The following ILRUN variants were observed in gnomAD, a reference collection of about 807,000 sequenced individuals.
ILRUN encodes inflammation and lipid regulator with UBA-like and NBR1-like domains, also known as protein ILRUN.
In ILRUN, 3 loss-of-function variants were observed where a neutral mutation model predicts 33.8. The ratio of observed to expected loss-of-function variants is 0.09; its 90% CI spans 0.04 to 0.23. ILRUN has a LOEUF of 0.23. Ranked by LOEUF, ILRUN falls within the 10% of genes least tolerant of loss-of-function variation. The pLI is 1.00. For synonymous variants in ILRUN, 124 were observed against 138.9 expected (o/e 0.89, Z 0.75); for missense variants, 210 against 375.1 (o/e 0.56, Z 3.64).
rs147250615 is a variant in ILRUN, at chr6:34,669,956, G to A, written c.159-15177C>T. 4.5e-3 allele frequency among the ~76,000 whole-genome samples: 688 copies of A among 151,726 alleles called. 9 individuals carry two copies. Among genetic ancestry groups the A allele is most frequent in the African/African-American group, 0.016 (651 of 41,280 alleles). On this transcript the variant is annotated intron_variant, in intron 1 of 4. Coordinates refer to ENST00000374023, the MANE Select transcript of ILRUN (RefSeq NM_024294.4). ...GACAGAGTTTCGCTCTTGTTGCCCAGGCTGGAATGTAATGGCGCAATCTCG... is the reference window on the plus strand; with the variant it reads ...GACAGAGTTTCGCTCTTGTTGCCCAAGCTGGAATGTAATGGCGCAATCTCG...
intron 3 of ILRUN, among the ~76,000 whole-genome samples, chr6:34,610,245 T>C (rs954415756): frequency 1.1e-4 from 17 of 152,198 alleles, no homozygotes; most frequent in African/African-American, 4.1e-4. Flanking sequence ...GTTAAACCTC[T>C]TGACTTAACA....
chr6:34,643,242 T>C (rs972768512), intron 3 of ILRUN, among the ~76,000 whole-genome samples: 3 of 149,932 alleles, frequency 2.0e-5, no homozygotes, highest in African/African-American at 4.9e-5. Context: ...GAGGTTGCAG[T>C]GAGCCAAGAT....
chr6:34,594,410 G>A (rs778869256), intron 4 of ILRUN, among the ~76,000 whole-genome samples: 3 of 152,148 alleles, frequency 2.0e-5, no homozygotes, highest in Non-Finnish European at 4.4e-5. Context: ...CCATGCTAAC[G>A]GAGGGTATAA....
chr6:34,611,098 A>T (rs1401591682), intron 3 of ILRUN, among the ~76,000 whole-genome samples: 10 of 79,640 alleles, frequency 1.3e-4, no homozygotes, highest in East Asian at 3.3e-4. Flanking sequence ...TTTCTTTCTG[A>T]TGTCTTTTTT....
chr6:34,682,852 C>T (rs1325497724), intron 1 of ILRUN, among the ~76,000 whole-genome samples: 2 of 151,964 alleles, frequency 1.3e-5, no homozygotes, highest in African/African-American at 4.8e-5. Context: ...ATGTGAGACA[C>T]GTGCCCTCCC....
intron 3 of ILRUN, among the ~76,000 whole-genome samples, chr6:34,625,569 A>G (rs1382216421): frequency 6.6e-6 from 1 of 152,158 alleles, no homozygotes. Flanking sequence ...AGTGGGTGCT[A>G]ATCTTCATCA....
chr6:34,605,259 T>C (rs527387733), intron 4 of ILRUN, among the ~76,000 whole-genome samples: 1 of 145,436 alleles, frequency 6.9e-6, no homozygotes, highest in African/African-American at 2.6e-5. Context: ...TGAGCCGAGA[T>C]TGCGCCACTG....
At chr6:34,602,630 T>A (rs775800861) in intron 4 of ILRUN, among the ~76,000 whole-genome samples, 3 of 152,328 alleles carry the variant, frequency 2.0e-5, no homozygotes, top group East Asian at 1.9e-4. Context: ...AAACACTTTC[T>A]AGCCTTCACC....
intron 1 of ILRUN, among the ~76,000 whole-genome samples, chr6:34,658,340 T>A (rs1359758891): frequency 1.4e-5 from 2 of 142,550 alleles, no homozygotes; most frequent in African/African-American, 5.6e-5. Context: ...AAAGTGAGAC[T>A]CTGTCTCAAA....
intron 1 of ILRUN, among the ~76,000 whole-genome samples, chr6:34,655,618 T>C (rs1028263515): frequency 6.6e-6 from 1 of 152,182 alleles, no homozygotes; most frequent in Non-Finnish European, 1.5e-5. Flanking sequence ...ACTTTTGAGT[T>C]TGTTTCCAGT....
At chr6:34,624,534 A>G (rs1359466047) in intron 3 of ILRUN, among the ~76,000 whole-genome samples, 1 of 151,626 alleles carries the variant, frequency 6.6e-6, no homozygotes, top group Non-Finnish European at 1.5e-5. Flanking sequence ...GGGTTTCACC[A>G]TGTTCACCAG....
chr6:34,681,845 A>ATTTTTTTTT (rs1168522578), intron 1 of ILRUN, among the ~76,000 whole-genome samples: 1 of 85,404 alleles, frequency 1.2e-5, no homozygotes, highest in Non-Finnish European at 2.2e-5. Context: ...CCACCACTAC[A>ATTTTTTTTT]TTTTTTTTTT....
intron 4 of ILRUN, among the ~76,000 whole-genome samples, chr6:34,596,546 C>T (rs1704713544): frequency 6.6e-6 from 1 of 152,124 alleles, no homozygotes; most frequent in Non-Finnish European, 1.5e-5. Flanking sequence ...CTCCTGACCT[C>T]AGGTGATCCA....
chr6:34,669,247 C>A (rs1212066396), intron 1 of ILRUN, among the ~76,000 whole-genome samples: 4 of 150,472 alleles, frequency 2.7e-5, no homozygotes, highest in Non-Finnish European at 5.9e-5. Flanking sequence ...CCTCAGCCTG[C>A]GGAGTAGCTG....
chr6:34,687,646 C>T (rs942407930), intron 1 of ILRUN, among the ~76,000 whole-genome samples: 2 of 147,970 alleles, frequency 1.4e-5, no homozygotes, highest in East Asian at 2.0e-4. Flanking sequence ...TGCAGTGAGC[C>T]GAGATTGCAC....
intron 1 of ILRUN, among the ~76,000 whole-genome samples, chr6:34,664,372 T>A (rs1762953805): frequency 6.6e-6 from 1 of 152,184 alleles, no homozygotes; most frequent in Non-Finnish European, 1.5e-5. Context: ...GGTCTTGTTA[T>A]GTTGCCCAGG....
chr6:34,614,443 A>AAAAAAAAAAAATATATAT (rs71000073), intron 3 of ILRUN, among the ~76,000 whole-genome samples: 27 of 133,572 alleles, frequency 2.0e-4, no homozygotes, highest in African/African-American at 8.3e-4. Context: ...AAAAAAAAAA[A>AAAAAAAAAAAATATATAT]ATATATATAT....
chr6:34,610,802 A>G (rs1452652456), intron 3 of ILRUN, among the ~76,000 whole-genome samples: 2 of 152,240 alleles, frequency 1.3e-5, no homozygotes, highest in Non-Finnish European at 2.9e-5. Flanking sequence ...GCTACAGGTC[A>G]TATGCTTCAT....
chr6:34,683,441 C>CATAT (rs68021203), intron 1 of ILRUN, among the ~76,000 whole-genome samples: 2 of 120,064 alleles, frequency 1.7e-5, no homozygotes, highest in African/African-American at 6.9e-5. Flanking sequence ...TATATATATA[C>CATAT]ATATATATAT....
Sources: gnomAD v4.1 joint callset for allele counts (sites outside exome capture counted in the v4.1 genomes callset) on GRCh38, gnomAD v4.1.1 for gene constraint, MANE v1.5 for transcripts, NCBI Gene and HGNC (gene_info 2026-07-23, HGNC 2026-07-21) for gene names.